LARGE1: variants seen among roughly 807,000 people sequenced by gnomAD.
LARGE1 encodes the protein xylosyl- and glucuronyltransferase LARGE1.
In LARGE1, 43 loss-of-function variants were observed where a neutral mutation model predicts 87.6. That is an observed-to-expected ratio of 0.49 (90% confidence interval 0.38 to 0.63). The LOEUF is 0.63. LARGE1 is among the 30% of genes least tolerant of loss of function. The probability of loss-of-function intolerance (pLI) is 0.00; values close to 1 mark genes in which losing one functional copy is unlikely to be tolerated. For missense variants in LARGE1, 802 were observed against 1,000.2 expected (o/e 0.80, Z 2.67); for synonymous variants, 434 against 394.6 (o/e 1.10, Z -1.18).
At chr22:33,451,599 G>A (rs1165486786) in intron 6 of LARGE1, among the ~76,000 whole-genome samples, 16 of 145,758 alleles carry the variant, frequency 1.1e-4, no homozygotes, top group African/African-American at 3.8e-4. Context: ...TCGCTATGTC[G>A]CCAGGCTGGA....
chr22:33,547,265 C>T (rs1225797034), intron 6 of LARGE1, among the ~76,000 whole-genome samples: 4 of 152,008 alleles, frequency 2.6e-5, no homozygotes, highest in Non-Finnish European at 4.4e-5. Context: ...GAAACTGTTC[C>T]ACCTTAGATA....
At chr22:33,247,129 A>G (rs1340642707) in intron 11 of LARGE1, among the ~76,000 whole-genome samples, 1 of 151,904 alleles carries the variant, frequency 6.6e-6, no homozygotes, top group Non-Finnish European at 1.5e-5. Flanking sequence ...GTCAGTGAAT[A>G]TAAAACTCTA....
intron 11 of LARGE1, among the ~76,000 whole-genome samples, chr22:33,257,632 GC>G (rs1402242984): frequency 6.6e-6 from 1 of 152,092 alleles, no homozygotes; most frequent in Non-Finnish European, 1.5e-5. Flanking sequence ...CGGGATAGGA[GC>G]AGGAAGGGCT....
At chr22:33,657,922 T>C (rs796651391) in intron 2 of LARGE1, among the ~76,000 whole-genome samples, 3 of 151,444 alleles carry the variant, frequency 2.0e-5, no homozygotes, top group African/African-American at 7.3e-5. Flanking sequence ...TTCTCACTAT[T>C]TCCATTTGAC....
intron 11 of LARGE1, among the ~76,000 whole-genome samples, chr22:33,262,149 A>C (rs1035684537): frequency 3.9e-5 from 6 of 152,202 alleles, no homozygotes; most frequent in African/African-American, 1.4e-4. Flanking sequence ...TAGGTGAGCA[A>C]ACAAGGGCAA....
the LARGE1 span, among the ~76,000 whole-genome samples, chr22:33,089,474 TC>T: frequency 2.7e-5 from 4 of 150,032 alleles, no homozygotes; most frequent in East Asian, 3.9e-4. Context: ...CTCTTCTTCT[TC>T]CTCTTCCTCT....
At chr22:33,192,830 G>A (rs1247072938) in intron 11 of LARGE1, among the ~76,000 whole-genome samples, 2 of 152,094 alleles carry the variant, frequency 1.3e-5, no homozygotes, top group African/African-American at 2.4e-5. Context: ...AATTCATTCT[G>A]AGCTGATTTT....
chr22:33,074,498 A>T, the LARGE1 span, among the ~76,000 whole-genome samples: 2 of 152,118 alleles, frequency 1.3e-5, no homozygotes, highest in Non-Finnish European at 2.9e-5. Flanking sequence ...AACATGGTGA[A>T]ACCCCATCTC....
Position 33,264,253 on chromosome 22 carries a change from G to A in LARGE1, c.1730+39976C>T, listed in dbSNP as rs138439637. 3.9e-3 allele frequency among the ~76,000 whole-genome samples: 591 copies of A among 152,328 alleles called. 2 individuals are homozygous for A. Among genetic ancestry groups the A allele is most frequent in the Middle Eastern group, 0.017 (5 of 294 alleles). ...CTAGATTCACAAACTAAATTTAACC[G>A]TGAAGGTAAAGGCTCTGGGAGTCCA... On this transcript the variant is annotated intron_variant, in intron 11 of 11. Coordinates refer to the LARGE1 transcript ENST00000608642.
chr22:33,169,658 T>C (rs184652275), intron 11 of LARGE1, among the ~76,000 whole-genome samples: 119 of 151,972 alleles, frequency 7.8e-4, no homozygotes, highest in Admixed American at 2.2e-3. Flanking sequence ...GAGATCATAC[T>C]GGCTAACATG....
At chr22:33,807,169 C>A (rs2086339132) in intron 1 of LARGE1, among the ~76,000 whole-genome samples, 1 of 152,168 alleles carries the variant, frequency 6.6e-6, no homozygotes, top group Non-Finnish European at 1.5e-5. Flanking sequence ...CACCTCCAAG[C>A]TATGTGACCC....
intron 6 of LARGE1, among the ~76,000 whole-genome samples, chr22:33,472,719 T>C (rs572902499): frequency 3.3e-5 from 5 of 152,354 alleles, no homozygotes; most frequent in African/African-American, 1.2e-4. Flanking sequence ...ATTTAAACTC[T>C]GAGTGTTTCT....
At chr22:33,099,330 C>CA in the LARGE1 span, among the ~76,000 whole-genome samples, 1 of 151,094 alleles carries the variant, frequency 6.6e-6, no homozygotes, top group Admixed American at 6.6e-5. Flanking sequence ...CTCAGCTCAC[C>CA]ACAACCTCTG....
At chr22:33,738,675 G>A (rs544374007) in intron 2 of LARGE1, among the ~76,000 whole-genome samples, 2 of 152,004 alleles carry the variant, frequency 1.3e-5, no homozygotes, top group South Asian at 2.1e-4. Flanking sequence ...GTGAAACCCC[G>A]TCTCTACTAA....
rs144828072 is a variant in LARGE1 at position 33,885,136 on chromosome 22, C to T, written c.-83+34859G>A. Among the ~76,000 whole-genome samples the T allele has an allele frequency of 7.0e-3, 1,069 of 152,336 alleles. 13 individuals carry two copies. The highest frequency in any genetic ancestry group is 0.025 in the African/African-American group (1,022 of 41,582). ...GCTCATCGGCTAAATAATCCACATG[C>T]GCCAGAAAGTGACAGCCCTCGCTTT... On this transcript the variant is annotated intron_variant, in intron 1 of 14. Transcript: ENST00000397394.
At chr22:33,509,215 C>A (rs914778963) in intron 6 of LARGE1, among the ~76,000 whole-genome samples, 3 of 152,114 alleles carry the variant, frequency 2.0e-5, no homozygotes, top group Admixed American at 6.5e-5. Flanking sequence ...ACTTTGAATA[C>A]CAGCAAGTTC....
At chr22:33,094,757 C>T in the LARGE1 span, among the ~76,000 whole-genome samples, 11 of 152,194 alleles carry the variant, frequency 7.2e-5, no homozygotes, top group African/African-American at 1.4e-4. Flanking sequence ...TCATTCTTGT[C>T]GCCCAGGCTG....
intron 11 of LARGE1, among the ~76,000 whole-genome samples, chr22:33,213,621 C>G (rs565541790): frequency 6.6e-6 from 1 of 152,106 alleles, no homozygotes; most frequent in African/African-American, 2.4e-5. Flanking sequence ...AGCAAAAAGA[C>G]GATGATTCAC....
rs868624847 is a variant in LARGE1, at chr22:33,537,321, G to C, written c.787+27527C>G. Among the ~76,000 whole-genome samples the C allele has an allele frequency of 3.3e-5, 5 of 152,220 alleles. 1 individual carries two copies. The South Asian group carries it at 1.0e-3, about 32-fold the overall frequency. ...AGAATTCGATTCCCTGCTGTTTCCA[G>C]CTTCCAGTGGCTGTCTGTATTCCTT... is the stretch of plus-strand genomic sequence containing the variant. On this transcript the variant is annotated intron_variant, in intron 6 of 14. Coordinates refer to ENST00000397394, the MANE Select transcript of LARGE1 (RefSeq NM_133642.5).
Sources: gnomAD v4.1 joint callset for allele counts (sites outside exome capture counted in the v4.1 genomes callset) on GRCh38, gnomAD v4.1.1 for gene constraint, MANE v1.5 for transcripts, NCBI Gene and HGNC (gene_info 2026-07-23, HGNC 2026-07-21) for gene names.